The following GLI2 variants were observed in gnomAD, a reference collection of about 807,000 sequenced individuals.
The protein encoded by GLI2 is GLI family zinc finger 2.
GLI2 carries 22 observed loss-of-function variants against 78.9 expected under a neutral mutation model. The observed-to-expected ratio is 0.28, with a 90% CI of 0.20 to 0.40. The LOEUF is 0.40. Ranked by LOEUF, GLI2 falls within the 10% of genes least tolerant of loss-of-function variation. GLI2 has a pLI of 1.00. For synonymous variants in GLI2, 974 were observed against 963.7 expected (o/e 1.01, Z -0.20); for missense variants, 2,097 against 2,213.2 (o/e 0.95, Z 1.05).
chr2:120,799,571 C>G (rs1002584375), intron 2 of GLI2, among the ~76,000 whole-genome samples: 4 of 152,200 alleles, frequency 2.6e-5, no homozygotes, highest in Non-Finnish European at 5.9e-5. Context: ...CATCGTGGGC[C>G]AAGTCTCCTA....
intron 3 of GLI2, among the ~76,000 whole-genome samples, chr2:120,944,114 G>T (rs1680592908): frequency 6.6e-6 from 1 of 152,188 alleles, no homozygotes; most frequent in Non-Finnish European, 1.5e-5. Flanking sequence ...TGCTCGCTTA[G>T]GCCCAGCCAG....
rs543601493 is a variant in GLI2 at position 120,832,830 on chromosome 2, G to A, written c.148+35362G>A. Among the ~76,000 whole-genome samples, 48 of 152,268 alleles carry A rather than the reference G, an allele frequency of 3.2e-4. 1 individual carries two copies. The South Asian group carries it at 9.3e-3, about 30-fold the overall frequency. ...GTGGGCTGTTAGGTGGCAGCAGACC[G>A]GGGAAGGTCTGGTCCTCCACAGGGC... On this transcript the variant is annotated intron_variant, in intron 2 of 13. Transcript: ENST00000361492.
At chr2:120,952,876 C>T (rs1489646166) in intron 4 of GLI2, among the ~76,000 whole-genome samples, 1 of 152,236 alleles carries the variant, frequency 6.6e-6, no homozygotes, top group East Asian at 1.9e-4. Flanking sequence ...CCATGATGGG[C>T]TGACCAAGAG....
intron 2 of GLI2, among the ~76,000 whole-genome samples, chr2:120,921,266 GT>G (rs141408306): frequency 0.056 from 8,456 of 151,772 alleles, 807 homozygotes; most frequent in African/African-American, 0.19. Flanking sequence ...ATGTGTGTTG[GT>G]GGGGGGTGTT....
At chr2:120,936,062 G>A (rs2104900341) in intron 3 of GLI2, among the ~76,000 whole-genome samples, 1 of 152,256 alleles carries the variant, frequency 6.6e-6, no homozygotes, top group Middle Eastern at 3.4e-3. Flanking sequence ...TTCCTCTCCT[G>A]TCCCTCGGGG....
intron 1 of GLI2, among the ~76,000 whole-genome samples, chr2:120,794,982 G>T (rs3820723): frequency 0.15 from 23,246 of 152,116 alleles, 2,833 homozygotes; most frequent in African/African-American, 0.33. Context: ...GCTGACAGGA[G>T]CTGTGGACAT....
Position 120,797,425 on chromosome 2 carries a change from G to A in GLI2, c.105G>A (p.Leu35=). ...FPDPGKKASP[L]VVAAAAAAAV... ...ACCCGGGTAAAAAGGCCTCTCCTTT[G>A]GTGGTGGCTGCAGCGGCAGCAGCAG... The change falls in exon 2 of 14, where the codon TTG becomes TTA. Residue 35 remains leucine (L), a synonymous_variant. Coordinates refer to ENST00000361492, the MANE Select transcript of GLI2 (RefSeq NM_001374353.1). 2 of 1,614,048 alleles carry A rather than the reference G, an allele frequency of 1.2e-6. No homozygotes were observed. Among genetic ancestry groups the A allele is most frequent in the Non-Finnish European group, 1.7e-6 (2 of 1,179,916 alleles).
chr2:120,830,516 C>T (rs1010981075), intron 2 of GLI2, among the ~76,000 whole-genome samples: 4 of 152,250 alleles, frequency 2.6e-5, no homozygotes, highest in African/African-American at 9.6e-5. Flanking sequence ...GGATGCCCAC[C>T]AGGCCCCACG....
intron 1 of GLI2, among the ~76,000 whole-genome samples, chr2:120,743,097 C>T (rs894578460): frequency 1.3e-5 from 2 of 152,130 alleles, no homozygotes; most frequent in Non-Finnish European, 2.9e-5. Flanking sequence ...GAAGACTTAC[C>T]AAGTTTTATC....
rs143139718 is a variant in GLI2 at position 120,951,316 on chromosome 2, C to G, written c.328C>G (p.Pro110Ala). The change falls in exon 4 of 14, where the codon CCT becomes GCT. Residue 110 changes from proline (P) to alanine (A), a missense_variant. Around this residue, in one of 5 missense-constraint regions of GLI2, gnomAD observed 578 missense variants for 612.0 expected, o/e 0.94. Coordinates refer to ENST00000361492, the MANE Select transcript of GLI2 (RefSeq NM_001374353.1). The part of the protein sequence containing the change: ...LIRLSPHPAG[P>A]GESPFNAPHP... The stretch of plus-strand genomic sequence containing the variant: ...CCGGCTTTCCCCGCACCCGGCTGGC[C>G]CTGGGGAGTCCCCCTTCAACGCCCC... 1.9e-6 allele frequency: 3 copies of G among 1,603,722 alleles called. No homozygotes were observed. The highest frequency in any genetic ancestry group is 3.3e-5 in the Admixed American group (2 of 59,986).
chr2:120,842,499 G>A (rs1686935953), intron 2 of GLI2, among the ~76,000 whole-genome samples: 1 of 152,154 alleles, frequency 6.6e-6, no homozygotes, highest in Admixed American at 6.6e-5. Flanking sequence ...TGGATATTTA[G>A]ATTTCCAATC....
chr2:120,841,207 T>G (rs1024637801), intron 2 of GLI2, among the ~76,000 whole-genome samples: 1 of 152,178 alleles, frequency 6.6e-6, no homozygotes, highest in Non-Finnish European at 1.5e-5. Flanking sequence ...AAAAGACCCA[T>G]GAAGTGGTCG....
At chr2:120,860,671 G>A (rs1687861042) in intron 2 of GLI2, among the ~76,000 whole-genome samples, 1 of 152,238 alleles carries the variant, frequency 6.6e-6, no homozygotes, top group East Asian at 1.9e-4. Context: ...GGACCTGGGT[G>A]TAGCCTGTTT....
chr2:120,869,109 T>C (rs1457488185), intron 2 of GLI2, among the ~76,000 whole-genome samples: 3 of 136,438 alleles, frequency 2.2e-5, no homozygotes, highest in South Asian at 4.8e-4. Context: ...AATGCTTTTT[T>C]GGCAGGGAGG....
At chr2:120,944,706 A>G (rs1558903062) in intron 3 of GLI2, among the ~76,000 whole-genome samples, 1 of 151,982 alleles carries the variant, frequency 6.6e-6, no homozygotes, top group Non-Finnish European at 1.5e-5. Context: ...CTGGCCTTCT[A>G]CTCCCACTCG....
At chr2:120,750,389 G>A (rs750196716) in intron 1 of GLI2, among the ~76,000 whole-genome samples, 18 of 152,388 alleles carry the variant, frequency 1.2e-4, no homozygotes, top group Admixed American at 2.0e-4. Context: ...GAAGGGACAG[G>A]TGCATCAGGG....
At chr2:120,859,627 G>A (rs1687814698) in intron 2 of GLI2, among the ~76,000 whole-genome samples, 1 of 151,950 alleles carries the variant, frequency 6.6e-6, no homozygotes, top group South Asian at 2.1e-4. Flanking sequence ...GCTAATTTTT[G>A]TATTTTTAGT....
chr2:120,960,621 G>A (rs1280888702), intron 5 of GLI2, among the ~76,000 whole-genome samples: 1 of 152,272 alleles, frequency 6.6e-6, no homozygotes, highest in African/African-American at 2.4e-5. Context: ...TGAAGAGGAT[G>A]TTCCTGTCTC....
In GLI2 at chr2:120,986,371, C is replaced by CCGGGGA. The variant is rs749162020; in HGVS notation, c.2005_2010dup (p.Thr669_Gly670dup). 1.2e-6 allele frequency: 2 copies of CCGGGGA among 1,613,408 alleles called. No homozygotes were observed. The highest frequency in any genetic ancestry group is 1.7e-6 in the Non-Finnish European group (2 of 1,179,932). On this transcript the variant is annotated inframe_insertion, in exon 13 of 14. Transcript: ENST00000361492. ...CAACAATGACAGTGGCGTGGAGATGCCGGGGACGGGGCCCGGGAGCCTGGG... is the reference window on the plus strand; with the variant it reads ...CAACAATGACAGTGGCGTGGAGATGCCGGGGACGGGGACGGGGCCCGGGAGCCTGGG...
Sources: gnomAD v4.1 joint callset for allele counts (sites outside exome capture counted in the v4.1 genomes callset) on GRCh38, gnomAD v4.1.1 for gene constraint, gnomAD v4.1.1 regional missense constraint, MANE v1.5 for transcripts, NCBI Gene and HGNC (gene_info 2026-07-23, HGNC 2026-07-21) for gene names.